Variants in EDA observed in about 807,000 individuals in gnomAD.
EDA encodes the protein ectodysplasin-A.
EDA carries 2 observed loss-of-function variants against 23.6 expected under a neutral mutation model. That is an observed-to-expected ratio of 0.08 (90% CI 0.03 to 0.27). EDA has a LOEUF of 0.27. Ranked by LOEUF, EDA falls within the 10% of genes least tolerant of loss-of-function variation. The pLI is 1.00. For synonymous variants in EDA, 131 were observed against 132.0 expected, an observed-to-expected ratio of 0.99 and a Z score of 0.05; for missense variants, 229 against 324.2, an observed-to-expected ratio of 0.71 and a Z score of 2.26.
At position 69,749,937 on chromosome X, in the gene EDA, T is replaced by C. The variant is rs960381191; in HGVS notation, c.396+133233T>C. ...CACTAAGGTTCTTTTTTTTTTTTTT[T>C]TTTTTTTTTTTTGGTTGGGGAGAGG... On this transcript the variant is annotated intron_variant, in intron 1 of 7. Coordinates refer to ENST00000374552, the MANE Select transcript of EDA (RefSeq NM_001399.5). Among the ~76,000 whole-genome samples the C allele has an allele frequency of 1.6e-3, 161 of 102,384 alleles. 2 individuals are homozygous for C. The highest frequency in any genetic ancestry group is 5.6e-3 in the African/African-American group (156 of 28,089). The allele number at this position is 102,384 out of a possible 115,157, so 88.9% of individuals were successfully genotyped here. A position where few individuals can be genotyped will look rare whatever the true frequency, so the allele number is the denominator to read the frequency against.
chrX:69,643,023 C>A (rs931330840), intron 1 of EDA, among the ~76,000 whole-genome samples: 34 of 111,273 alleles, frequency 3.1e-4, no homozygotes, highest in African/African-American at 1.1e-3. Flanking sequence ...TAAAAATGTT[C>A]TTAAGGAAAA....
intron 1 of EDA, among the ~76,000 whole-genome samples, chrX:69,623,261 A>T (rs2147207427): frequency 8.9e-6 from 1 of 112,245 alleles, no homozygotes; most frequent in East Asian, 2.8e-4. Flanking sequence ...ATTTAGAGGG[A>T]ACTCACCATT....
chrX:69,994,870 T>C (rs2019635023), intron 2 of EDA, among the ~76,000 whole-genome samples: 1 of 112,074 alleles, frequency 8.9e-6, no homozygotes, highest in African/African-American at 3.2e-5. Context: ...CTGTTTAAAA[T>C]GGTAGTGATT....
chrX:69,958,426 A>G (rs1038472517), intron 2 of EDA, among the ~76,000 whole-genome samples: 24 of 109,754 alleles, frequency 2.2e-4, no homozygotes, highest in African/African-American at 7.3e-4. Context: ...TATTAAAGAG[A>G]TGGAGCCAGG....
intron 1 of EDA, among the ~76,000 whole-genome samples, chrX:69,798,926 A>C (rs988685657): frequency 1.8e-5 from 2 of 111,803 alleles, no homozygotes; most frequent in South Asian, 7.4e-4. Context: ...AACTGGAAGA[A>C]TCACATTACC....
chrX:69,776,230 A>C (rs2014777951), intron 1 of EDA, among the ~76,000 whole-genome samples: 1 of 112,102 alleles, frequency 8.9e-6, no homozygotes, highest in Non-Finnish European at 1.9e-5. Context: ...CATTAGGCAC[A>C]TATGCCATAG....
intron 2 of EDA, among the ~76,000 whole-genome samples, chrX:69,965,896 T>A (rs2019165866): frequency 9.0e-6 from 1 of 111,170 alleles, no homozygotes; most frequent in African/African-American, 3.3e-5. Context: ...AAATTTTTTT[T>A]ATTAGCGAAT....
intron 1 of EDA, among the ~76,000 whole-genome samples, chrX:69,825,327 C>G (rs1314596766): frequency 1.9e-5 from 2 of 102,580 alleles, no homozygotes; most frequent in East Asian, 6.2e-4. Context: ...CCATCTGGTC[C>G]TGGACTCTTT....
Position 70,033,581 on chromosome X carries a change from G to C in EDA, c.924+53G>C. On this transcript the variant is annotated intron_variant, in intron 7 of 7. Coordinates refer to ENST00000374552, the MANE Select transcript of EDA (RefSeq NM_001399.5). ...CTTATATCCAGAATGCAGATCCGGT[G>C]CAGGCCACATAGGGGCACTGTGGAG... 3 of 1,195,127 alleles carry C rather than the reference G, an allele frequency of 2.5e-6. No individual in the cohort carries two copies. The Admixed American group carries it at 6.6e-5, about 26-fold the overall frequency.
intron 1 of EDA, among the ~76,000 whole-genome samples, chrX:69,799,476 C>T (rs760780669): frequency 5.4e-5 from 6 of 110,169 alleles, no homozygotes; most frequent in Non-Finnish European, 7.6e-5. Flanking sequence ...GATTAATAAC[C>T]AGAATACATA....
intron 1 of EDA, among the ~76,000 whole-genome samples, chrX:69,769,134 A>C (rs750249704): frequency 1.3e-4 from 15 of 111,525 alleles, no homozygotes; most frequent in Non-Finnish European, 1.9e-4. Flanking sequence ...TTCCATGGGC[A>C]GTTGTGTACT....
At chrX:69,890,558 G>A (rs751850849) in intron 1 of EDA, among the ~76,000 whole-genome samples, 1 of 110,935 alleles carries the variant, frequency 9.0e-6, no homozygotes, top group Non-Finnish European at 1.9e-5. Context: ...CAGACACATA[G>A]ACCAATGGAA....
At chrX:69,826,104 G>T (rs1436565242) in intron 1 of EDA, among the ~76,000 whole-genome samples, 1 of 110,554 alleles carries the variant, frequency 9.0e-6, no homozygotes, top group African/African-American at 3.3e-5. Flanking sequence ...TTGCTGAGGA[G>T]AGCTTTACTT....
intron 1 of EDA, among the ~76,000 whole-genome samples, chrX:69,930,999 T>TC (rs2018590864): frequency 9.0e-6 from 1 of 111,597 alleles, no homozygotes; most frequent in Non-Finnish European, 1.9e-5. Flanking sequence ...AAATTTTTTA[T>TC]AGGAACTGAT....
chrX:69,936,168 T>TA (rs569415240), intron 1 of EDA, among the ~76,000 whole-genome samples: 85 of 109,775 alleles, frequency 7.7e-4, no homozygotes, highest in South Asian at 4.6e-3. Flanking sequence ...CTTTGGATTT[T>TA]AAAAAAAATC....
At chrX:69,802,546 T>C (rs1170359327) in intron 1 of EDA, among the ~76,000 whole-genome samples, 2 of 111,139 alleles carry the variant, frequency 1.8e-5, no homozygotes, top group African/African-American at 6.5e-5. Context: ...TTATTCTTTG[T>C]GCCTTTTTAT....
chrX:69,619,621 A>G (rs935871416), intron 1 of EDA, among the ~76,000 whole-genome samples: 4 of 112,056 alleles, frequency 3.6e-5, no homozygotes, highest in Non-Finnish European at 7.5e-5. Flanking sequence ...TCCGTAATCA[A>G]TCATCTCCTT....
At chrX:69,738,602 C>A (rs188126780) in intron 1 of EDA, among the ~76,000 whole-genome samples, 2 of 107,702 alleles carry the variant, frequency 1.9e-5, no homozygotes, top group East Asian at 5.9e-4. Context: ...TCAGATCTTT[C>A]TTCTTTTTAA....
At chrX:69,972,214 T>C (rs1047908279) in intron 2 of EDA, among the ~76,000 whole-genome samples, 8 of 111,785 alleles carry the variant, frequency 7.2e-5, no homozygotes, top group African/African-American at 2.6e-4. Flanking sequence ...ATCACATATT[T>C]ATTATCTCCC....
Sources: allele counts gnomAD v4.1 joint callset (sites outside exome capture counted in the v4.1 genomes callset), GRCh38; gene constraint gnomAD v4.1.1; transcripts MANE v1.5; gene names NCBI Gene and HGNC (gene_info 2026-07-23, HGNC 2026-07-21).